The following GPATCH2 variants were observed in gnomAD, a reference collection of about 807,000 sequenced individuals.
GPATCH2 encodes G patch domain-containing protein 2.
A neutral mutation model predicts 58.0 loss-of-function variants in GPATCH2; 51 were observed. The observed-to-expected ratio is 0.88, with a 90% CI of 0.70 to 1.11. The LOEUF is 1.11. Ranked by LOEUF, GPATCH2 falls within the 50% of genes most tolerant of loss-of-function variation. The pLI is 0.00. For missense variants in GPATCH2, 625 were observed against 652.2 expected, an observed-to-expected ratio of 0.96 and a Z score of 0.45; for synonymous variants, 222 against 218.5, an observed-to-expected ratio of 1.02 and a Z score of -0.14.
intron 9 of GPATCH2, among the ~76,000 whole-genome samples, chr1:217,448,669 C>T (rs115756507): frequency 6.1e-4 from 93 of 152,298 alleles, no homozygotes; most frequent in African/African-American, 1.9e-3. Context: ...CTCAATACCA[C>T]GCTCATTATT....
At chr1:217,466,411 G>A (rs1660450675) in intron 8 of GPATCH2, among the ~76,000 whole-genome samples, 1 of 152,018 alleles carries the variant, frequency 6.6e-6, no homozygotes, top group Non-Finnish European at 1.5e-5. Flanking sequence ...TTTTTGTGGA[G>A]AATGGGTCTT....
At chr1:217,522,705 T>C (rs978381986) in intron 5 of GPATCH2, among the ~76,000 whole-genome samples, 1 of 148,920 alleles carries the variant, frequency 6.7e-6, no homozygotes, top group East Asian at 1.9e-4. Flanking sequence ...AGATTGGCAA[T>C]CTATATATCT....
At chr1:217,558,410 C>T (rs913638725) in intron 5 of GPATCH2, among the ~76,000 whole-genome samples, 2 of 152,110 alleles carry the variant, frequency 1.3e-5, no homozygotes, top group Non-Finnish European at 2.9e-5. Flanking sequence ...TGGAATCAAA[C>T]ACGGAAGGTA....
At chr1:217,453,827 C>T (rs73105603) in intron 8 of GPATCH2, among the ~76,000 whole-genome samples, 2,796 of 152,272 alleles carry the variant, frequency 0.018, 25 homozygotes, top group Middle Eastern at 0.048. Context: ...CTCTTCATTG[C>T]ATGCAATTAC....
chr1:217,588,938 T>C (rs1667466430), intron 5 of GPATCH2, among the ~76,000 whole-genome samples: 1 of 152,196 alleles, frequency 6.6e-6, no homozygotes, highest in Non-Finnish European at 1.5e-5. Flanking sequence ...AGTTATGCAG[T>C]CATCTGCTTA....
Position 217,631,017 on chromosome 1 carries a change from G to C in GPATCH2, c.-46C>G. 6.5e-7 allele frequency: 1 copy of C among 1,533,384 alleles called. No homozygotes were observed. The highest frequency in any genetic ancestry group is 8.8e-7 in the Non-Finnish European group (1 of 1,134,008). 95.0% of individuals were successfully genotyped at this position (1,533,384 alleles called of 1,614,324 possible). ...GCCTCGAAGCTCAGGCCCGTGAACA[G>C]ACTCCAACTACAACAGCACCGGCGA... is the stretch of plus-strand genomic sequence containing the variant. On this transcript the variant is annotated 5_prime_UTR_variant, in exon 1 of 10. Coordinates refer to ENST00000366935, the MANE Select transcript of GPATCH2 (RefSeq NM_018040.5).
intron 5 of GPATCH2, among the ~76,000 whole-genome samples, chr1:217,583,449 T>A (rs958272761): frequency 1.3e-5 from 2 of 151,560 alleles, no homozygotes; most frequent in Admixed American, 6.6e-5. Flanking sequence ...CACGTGCCTG[T>A]AATCCCAGCT....
intron 8 of GPATCH2, among the ~76,000 whole-genome samples, chr1:217,469,963 T>C (rs1660643607): frequency 6.6e-6 from 1 of 152,172 alleles, no homozygotes; most frequent in African/African-American, 2.4e-5. Flanking sequence ...TTTTGGGAAA[T>C]ATTCTGGCAC....
chr1:217,519,043 C>G (rs1336158120), intron 5 of GPATCH2, among the ~76,000 whole-genome samples: 1 of 152,122 alleles, frequency 6.6e-6, no homozygotes. Flanking sequence ...AAGAAAGAAA[C>G]AAGACTTTTA....
rs1279767351 is a variant in GPATCH2 at position 217,620,287 on chromosome 1, T to C, written c.269A>G (p.Glu90Gly). Reference protein sequence around the residue: ...HPWETGHCLSEGSDSSLEEPS... With the variant: ...HPWETGHCLSGGSDSSLEEPS... Reference sequence around the variant, plus strand: ...TTCTTCTAAACTAGAATCAGAGCCTTCACTTAAGCAGTGACCAGTCTCCCA... The same window carrying C: ...TTCTTCTAAACTAGAATCAGAGCCTCCACTTAAGCAGTGACCAGTCTCCCA... The change falls in exon 2 of 10, where the codon GAA (glutamate) becomes GGA (glycine). Residue 90 changes from glutamate (E) to glycine (G), a missense_variant. Transcript: ENST00000366935. 6.2e-7 allele frequency: 1 copy of C among 1,614,126 alleles called. No individual in the cohort carries two copies. The highest frequency in any genetic ancestry group is 8.5e-7 in the Non-Finnish European group (1 of 1,179,952).
At chr1:217,541,727 T>C (rs1159047689) in intron 5 of GPATCH2, among the ~76,000 whole-genome samples, 1 of 152,232 alleles carries the variant, frequency 6.6e-6, no homozygotes, top group Non-Finnish European at 1.5e-5. Flanking sequence ...TTCAATTATT[T>C]TCTTAATCCA....
At chr1:217,476,009 A>G (rs1660952368) in intron 8 of GPATCH2, among the ~76,000 whole-genome samples, 1 of 152,154 alleles carries the variant, frequency 6.6e-6, no homozygotes. Flanking sequence ...GGGCTCCAAG[A>G]GAGATGCCAC....
At chr1:217,592,585 T>A (rs999164495) in intron 5 of GPATCH2, among the ~76,000 whole-genome samples, 1 of 152,056 alleles carries the variant, frequency 6.6e-6, no homozygotes, top group Middle Eastern at 3.4e-3. Context: ...GAAATGTTCA[T>A]GAATCATTTA....
chr1:217,583,570 C>CAAAA (rs60392448), intron 5 of GPATCH2, among the ~76,000 whole-genome samples: 12 of 65,084 alleles, frequency 1.8e-4, no homozygotes, highest in Admixed American at 1.9e-4. Flanking sequence ...GACTCTGTCT[C>CAAAA]AAAAAAAAAA....
intron 2 of GPATCH2, among the ~76,000 whole-genome samples, chr1:217,615,935 C>T (rs768787846): frequency 6.6e-6 from 1 of 152,062 alleles, no homozygotes; most frequent in Non-Finnish European, 1.5e-5. Flanking sequence ...ATCTATTCTA[C>T]ATACAGCCAG....
chr1:217,439,280 C>T (rs973154054), intron 9 of GPATCH2, among the ~76,000 whole-genome samples: 4 of 152,040 alleles, frequency 2.6e-5, no homozygotes, highest in African/African-American at 4.8e-5. Context: ...GGGAAAATAA[C>T]GAAATTAAAG....
intron 5 of GPATCH2, among the ~76,000 whole-genome samples, chr1:217,573,263 A>T (rs1666651141): frequency 2.0e-5 from 3 of 152,150 alleles, no homozygotes; most frequent in Admixed American, 2.0e-4. Context: ...CTCTGCATTA[A>T]CCAATGTAAG....
At chr1:217,492,201 C>T (rs1661778174) in intron 7 of GPATCH2, among the ~76,000 whole-genome samples, 1 of 152,142 alleles carries the variant, frequency 6.6e-6, no homozygotes, top group South Asian at 2.1e-4. Flanking sequence ...GTTACCTATG[C>T]TGACATAAAG....
intron 9 of GPATCH2, among the ~76,000 whole-genome samples, chr1:217,434,622 A>G (rs1658724126): frequency 6.6e-6 from 1 of 152,216 alleles, no homozygotes; most frequent in Admixed American, 6.5e-5. Flanking sequence ...TTGATAGGAT[A>G]GCTTGCAAAA....
Sources: allele counts gnomAD v4.1 joint callset (sites outside exome capture counted in the v4.1 genomes callset), GRCh38; gene constraint gnomAD v4.1.1; transcripts MANE v1.5; gene names NCBI Gene and HGNC (gene_info 2026-07-23, HGNC 2026-07-21).